The following SGCD variants were observed in gnomAD, a reference collection of about 807,000 sequenced individuals.
The protein encoded by SGCD is delta-sarcoglycan.
SGCD carries 18 observed loss-of-function variants against 36.6 expected under a neutral mutation model. The observed-to-expected ratio is 0.49, with a 90% CI of 0.34 to 0.73. The LOEUF is 0.73. Ranked by LOEUF, SGCD falls within the 30% of genes least tolerant of loss-of-function variation. The pLI is 0.01. For synonymous variants in SGCD, 133 were observed against 130.6 expected, an observed-to-expected ratio of 1.02 and a Z score of -0.12; for missense variants, 387 against 346.7, an observed-to-expected ratio of 1.12 and a Z score of -0.92.
At chr5:155,850,954 G>T in the SGCD span, among the ~76,000 whole-genome samples, 1 of 152,138 alleles carries the variant, frequency 6.6e-6, no homozygotes, top group Admixed American at 6.6e-5. Flanking sequence ...AAATCAATGG[G>T]GTTGGGGGAA....
chr5:155,786,552 C>A, the SGCD span, among the ~76,000 whole-genome samples: 1 of 152,028 alleles, frequency 6.6e-6, no homozygotes, highest in Non-Finnish European at 1.5e-5. Context: ...AAAGGAGGAA[C>A]ATTTTACTAA....
chr5:156,416,398 A>G (rs1039901487), intron 3 of SGCD, among the ~76,000 whole-genome samples: 1 of 152,158 alleles, frequency 6.6e-6, no homozygotes, highest in Admixed American at 6.5e-5. Flanking sequence ...ATAAAAGACT[A>G]CACGTTGGGT....
intron 3 of SGCD, among the ~76,000 whole-genome samples, chr5:156,448,731 C>CTTTTTTTTTTT (rs1158844774): frequency 1.4e-3 from 107 of 76,056 alleles, no homozygotes; most frequent in African/African-American, 2.4e-3. Context: ...TTTTCTTTTT[C>CTTTTTTTTTTT]TTTTTTTTTT....
At chr5:155,824,020 G>A in the SGCD span, among the ~76,000 whole-genome samples, 8 of 152,226 alleles carry the variant, frequency 5.3e-5, no homozygotes, top group South Asian at 1.7e-3. Context: ...GATTAACAAG[G>A]CTTAAGCTGC....
the SGCD span, among the ~76,000 whole-genome samples, chr5:155,745,602 T>TGTTTGTAG: frequency 1.3e-5 from 2 of 152,058 alleles, no homozygotes. Flanking sequence ...AGTTACAAAC[T>TGTTTGTAG]GAAAAGTTTT....
chr5:156,477,049 G>GAAAAAAAAAA (rs5872462), intron 3 of SGCD, among the ~76,000 whole-genome samples: 5 of 122,994 alleles, frequency 4.1e-5, no homozygotes, highest in Admixed American at 1.6e-4. Context: ...AAGAGAAAAA[G>GAAAAAAAAAA]AAAAAAAAAA....
At chr5:156,489,828 A>C (rs1204254983) in intron 3 of SGCD, among the ~76,000 whole-genome samples, 2 of 151,948 alleles carry the variant, frequency 1.3e-5, no homozygotes, top group African/African-American at 4.8e-5. Flanking sequence ...AGCAGGAATA[A>C]ACCAATCCCA....
intron 7 of SGCD, among the ~76,000 whole-genome samples, chr5:156,736,681 T>C (rs1306701946): frequency 1.3e-5 from 2 of 152,154 alleles, no homozygotes; most frequent in Non-Finnish European, 2.9e-5. Flanking sequence ...TCATTCCACC[T>C]TACTGAGCCT....
intron 4 of SGCD, among the ~76,000 whole-genome samples, chr5:156,554,567 C>T (rs1758936240): frequency 6.7e-6 from 1 of 148,158 alleles, no homozygotes; most frequent in South Asian, 2.1e-4. Context: ...CTATGTTTAA[C>T]CAAAAAAAAG....
chr5:156,679,029 G>C (rs1431014094), intron 7 of SGCD, among the ~76,000 whole-genome samples: 1 of 152,192 alleles, frequency 6.6e-6, no homozygotes, highest in East Asian at 1.9e-4. Flanking sequence ...GCAGCAGAAA[G>C]ACCAGTGGAG....
At chr5:155,807,694 T>C in the SGCD span, among the ~76,000 whole-genome samples, 2 of 152,246 alleles carry the variant, frequency 1.3e-5, no homozygotes, top group Non-Finnish European at 2.9e-5. Context: ...AGAGTTTTCA[T>C]TGTTTTATGA....
At chr5:156,724,544 T>C (rs928817185) in intron 7 of SGCD, among the ~76,000 whole-genome samples, 5 of 151,932 alleles carry the variant, frequency 3.3e-5, no homozygotes, top group Non-Finnish European at 7.4e-5. Context: ...GAGGTGGAGC[T>C]TGCAGTGAGC....
chr5:156,702,208 ATTG>A (rs1269208709), intron 7 of SGCD, among the ~76,000 whole-genome samples: 1 of 152,158 alleles, frequency 6.6e-6, no homozygotes, highest in African/African-American at 2.4e-5. Flanking sequence ...TACTTTAACT[ATTG>A]TTTACAACAG....
intron 3 of SGCD, among the ~76,000 whole-genome samples, chr5:156,287,357 A>T (rs1581219974): frequency 1.3e-5 from 2 of 152,114 alleles, no homozygotes; most frequent in East Asian, 1.9e-4. Context: ...AGAAATAGTA[A>T]ACTAGAGGGT....
At chr5:156,364,375 T>G (rs1769977393) in intron 3 of SGCD, among the ~76,000 whole-genome samples, 2 of 152,170 alleles carry the variant, frequency 1.3e-5, no homozygotes, top group Admixed American at 1.3e-4. Flanking sequence ...CTACATTTTT[T>G]TTTTTAATGC....
intron 3 of SGCD, among the ~76,000 whole-genome samples, chr5:156,504,817 G>A (rs1216265049): frequency 1.3e-5 from 2 of 152,208 alleles, no homozygotes; most frequent in African/African-American, 4.8e-5. Context: ...ATATATGTAA[G>A]TAGTGTAAGA....
At chr5:155,732,015 G>A in the SGCD span, among the ~76,000 whole-genome samples, 1 of 152,204 alleles carries the variant, frequency 6.6e-6, no homozygotes, top group Admixed American at 6.5e-5. Flanking sequence ...GATAAAAGGA[G>A]AAGCCCAAGG....
In SGCD at chr5:156,280,208, T is replaced by C. The variant is rs142924103; in HGVS notation, c.-43-49326T>C. 2.4e-3 allele frequency among the ~76,000 whole-genome samples: 364 copies of C among 152,306 alleles called. 1 individual carries two copies. Among genetic ancestry groups the C allele is most frequent in the African/African-American group, 8.6e-3 (356 of 41,574 alleles). On this transcript the variant is annotated intron_variant, in intron 3 of 9. Coordinates refer to the SGCD transcript ENST00000517913. The stretch of plus-strand genomic sequence containing the variant: ...CACTGGCCAACAACTGGCAATAGTG[T>C]CATGCCTCTAGTTTGCTTCTTATAA...
intron 2 of SGCD, among the ~76,000 whole-genome samples, chr5:156,120,457 A>G (rs1762011673): frequency 6.6e-6 from 1 of 152,198 alleles, no homozygotes; most frequent in South Asian, 2.1e-4. Context: ...TACAAAAGAT[A>G]AAGAAAAACT....
Sources: gnomAD v4.1 joint callset for allele counts (sites outside exome capture counted in the v4.1 genomes callset) on GRCh38, gnomAD v4.1.1 for gene constraint, MANE v1.5 for transcripts, NCBI Gene and HGNC (gene_info 2026-07-23, HGNC 2026-07-21) for gene names.